The following FRRS1 variants were observed in gnomAD, a reference collection of about 807,000 sequenced individuals.
FRRS1 encodes ferric reductase 1.
A neutral mutation model predicts 70.7 loss-of-function variants in FRRS1; 51 were observed. The observed-to-expected ratio is 0.72, with a 90% CI of 0.58 to 0.91. FRRS1 has a LOEUF of 0.91. Ranked by LOEUF, FRRS1 falls within the 40% of genes least tolerant of loss-of-function variation. FRRS1 has a pLI of 0.00. For missense variants in FRRS1, 672 were observed against 726.0 expected, an observed-to-expected ratio of 0.93 and a Z score of 0.86; for synonymous variants, 225 against 238.7, an observed-to-expected ratio of 0.94 and a Z score of 0.53.
At chr1:99,709,466 T>C (rs1196455483) in intron 15 of FRRS1, among the ~76,000 whole-genome samples, 1 of 152,286 alleles carries the variant, frequency 6.6e-6, no homozygotes, top group East Asian at 1.9e-4. Flanking sequence ...GTTAAATAAC[T>C]TAAAATATGC....
At chr1:99,746,107 G>A (rs1443695652) in intron 4 of FRRS1, among the ~76,000 whole-genome samples, 3 of 152,120 alleles carry the variant, frequency 2.0e-5, no homozygotes, top group Non-Finnish European at 2.9e-5. Context: ...AGCAACACAG[G>A]AACAGCCTAA....
At chr1:99,717,574 C>G (rs1347757099) in intron 10 of FRRS1, 49 bp from the exon 11 acceptor site, 1 of 1,311,004 alleles carries the variant, frequency 7.6e-7, no homozygotes, top group South Asian at 1.2e-5. Flanking sequence ...CGAATCAAGC[C>G]ATCGCTTAAA....
chr1:99,715,203 G>T (rs975075968), intron 12 of FRRS1, among the ~76,000 whole-genome samples: 3 of 152,030 alleles, frequency 2.0e-5, no homozygotes, highest in African/African-American at 4.8e-5. Context: ...GCACCGCTGG[G>T]TACTGAGTAG....
At chr1:99,756,120 G>T (rs1045866921) in intron 1 of FRRS1, among the ~76,000 whole-genome samples, 1 of 152,066 alleles carries the variant, frequency 6.6e-6, no homozygotes, top group Admixed American at 6.5e-5. Flanking sequence ...TCAACAATAA[G>T]CTATTACATT....
At position 99,708,825 on chromosome 1, in the gene FRRS1, G is replaced by A; in HGVS notation, c.*203C>T. ...CTTTAAGACCCAGAATTACATATAG[G>A]GCATGACATTAATTTATAGTCTATA... is the stretch of plus-strand genomic sequence containing the variant. On this transcript the variant is annotated 3_prime_UTR_variant, in exon 17 of 17. Transcript: ENST00000646001. The A allele has an allele frequency of 1.0e-6, 1 of 986,188 alleles. No homozygotes were observed. The highest frequency in any genetic ancestry group is 1.6e-6 in the Non-Finnish European group (1 of 632,910). The allele number at this position is 986,188 out of a possible 1,614,324, so 61.1% of individuals were successfully genotyped here. A position where few individuals can be genotyped will look rare whatever the true frequency, so the allele number is the denominator to read the frequency against.
At chr1:99,745,667 G>T (rs939617770) in intron 4 of FRRS1, among the ~76,000 whole-genome samples, 12 of 152,060 alleles carry the variant, frequency 7.9e-5, no homozygotes, top group Non-Finnish European at 1.2e-4. Flanking sequence ...CTGGATGACA[G>T]AGCGAGACTC....
chr1:99,748,320 C>G (rs1656391643), intron 3 of FRRS1: 3 of 322,784 alleles, frequency 9.3e-6, no homozygotes, highest in Non-Finnish European at 1.7e-5. Context: ...TTTTTCTCTT[C>G]TCTTGAAGTG....
At chr1:99,719,312 G>A (rs961436514) in intron 10 of FRRS1, among the ~76,000 whole-genome samples, 7 of 151,412 alleles carry the variant, frequency 4.6e-5, no homozygotes, top group Middle Eastern at 3.2e-3. Context: ...GGGAGTCTGA[G>A]GCAGGAGAAT....
intron 4 of FRRS1, among the ~76,000 whole-genome samples, chr1:99,744,886 C>T (rs1656167569): frequency 7.0e-6 from 1 of 142,032 alleles, no homozygotes; most frequent in Admixed American, 7.5e-5. Flanking sequence ...AGGAGAATGG[C>T]GTGAACCCGG....
At chr1:99,717,753 A>G (rs961307809) in intron 10 of FRRS1, among the ~76,000 whole-genome samples, 4 of 152,244 alleles carry the variant, frequency 2.6e-5, no homozygotes, top group Admixed American at 2.6e-4. Flanking sequence ...AATGCTTTAC[A>G]TATACTAATT....
chr1:99,748,905 A>C lies in FRRS1; in HGVS notation c.-9T>G. Reference sequence around the variant, plus strand: ...CCATATTCTCAACATACCTGATAAAAAGAATGTGATATGTGAAGTTTCACC... The same window carrying C: ...CCATATTCTCAACATACCTGATAAACAGAATGTGATATGTGAAGTTTCACC... On this transcript the variant is annotated 5_prime_UTR_variant, in exon 2 of 17. Coordinates refer to ENST00000646001, the MANE Select transcript of FRRS1 (RefSeq NM_001361041.2). The C allele has an allele frequency of 1.7e-6, 1 of 590,874 alleles. No individual in the cohort carries two copies. Among genetic ancestry groups the C allele is most frequent in the Non-Finnish European group, 2.9e-6 (1 of 344,076 alleles). The allele number at this position is 590,874 out of a possible 1,614,324, so 36.6% of individuals were successfully genotyped here.
chr1:99,717,064 C>T (rs1040076504), intron 11 of FRRS1, among the ~76,000 whole-genome samples: 2 of 152,146 alleles, frequency 1.3e-5, no homozygotes, highest in Non-Finnish European at 1.5e-5. Flanking sequence ...CCTGACTTTA[C>T]TCAGTACAGT....
chr1:99,742,256 G>A lies in FRRS1; in HGVS notation c.351C>T (p.His117=), dbSNP rs1319651011. ...TTTCTGTTTTTTTAGATGCACTTCT[G>A]TGACTCACTGCTGATCCCTGAAATA... The part of the protein sequence containing the change: ...CEDIQGSAVS[H]RSASKKTEIK... The change falls in exon 5 of 17, where the codon CAC becomes CAT. Residue 117 remains histidine (H), a synonymous_variant. Coordinates refer to ENST00000646001, the MANE Select transcript of FRRS1 (RefSeq NM_001361041.2). 2.5e-6 allele frequency: 4 copies of A among 1,605,970 alleles called. No individual in the cohort carries two copies. Among genetic ancestry groups the A allele is most frequent in the Non-Finnish European group, 3.4e-6 (4 of 1,172,792 alleles).
In FRRS1 at chr1:99,712,485, T is replaced by A. The variant is rs752801320; in HGVS notation, c.1354A>T (p.Ile452Leu). The change falls in exon 13 of 17, where the codon ATA becomes TTA. Residue 452 changes from isoleucine (I) to leucine (L), a missense_variant. By Grantham distance (5) the Ile-to-Leu change is conservative (BLOSUM62 2). Transcript: ENST00000646001. ...HAGYHPYLGC[I>L]VMTLAVLQPL... ...TGAAGAACTGCCAAAGTCATCACTA[T>A]ACAGCCGAGGTATGGGTGGTAACCT... is the stretch of plus-strand genomic sequence containing the variant. The A allele has an allele frequency of 6.2e-7, 1 of 1,612,524 alleles. No individual in the cohort carries two copies. The highest frequency in any genetic ancestry group is 1.1e-5 in the South Asian group (1 of 90,682).
chr1:99,711,964 T>C, intron 14 of FRRS1, 141 bp downstream of exon 14: 1 of 610,206 alleles, frequency 1.6e-6, no homozygotes. Flanking sequence ...CTTTCTGGAT[T>C]TCAACGTTTA....
chr1:99,764,065 A>G (rs1174095627), intron 1 of FRRS1, among the ~76,000 whole-genome samples: 1 of 152,188 alleles, frequency 6.6e-6, no homozygotes, highest in Non-Finnish European at 1.5e-5. Context: ...TAACAAATAC[A>G]TCAGCTAATA....
At position 99,709,276 on chromosome 1, in the gene FRRS1, CAT is replaced by C. The variant is rs753548702; in HGVS notation, c.1625-19_1625-18del. On this transcript the variant is annotated intron_variant, in intron 15 of 16. Coordinates refer to ENST00000646001, the MANE Select transcript of FRRS1 (RefSeq NM_001361041.2). The stretch of plus-strand genomic sequence containing the variant: ...ATATTTCAACTGTCAAGAATAATAA[CAT>C]AAGTTTTTAAGGGCAGCGTTATGCA... 7 of 1,583,354 alleles carry C rather than the reference CAT, an allele frequency of 4.4e-6. No individual in the cohort carries two copies. In the East Asian group the frequency reaches 6.7e-5, roughly 15 times the overall value.
At chr1:99,715,264 A>G (rs1281602464) in intron 12 of FRRS1, among the ~76,000 whole-genome samples, 1 of 152,146 alleles carries the variant, frequency 6.6e-6, no homozygotes, top group Non-Finnish European at 1.5e-5. Context: ...GTTAGAGAAA[A>G]CCACTCACAT....
intron 4 of FRRS1, 21 bp from the exon 5 acceptor site, chr1:99,742,294 G>A (rs1257803445): frequency 2.0e-6 from 3 of 1,463,696 alleles, no homozygotes; most frequent in Non-Finnish European, 2.9e-6. Context: ...AGGGAAAAGA[G>A]CTACCATTCA....
Sources: allele counts gnomAD v4.1 joint callset (sites outside exome capture counted in the v4.1 genomes callset), GRCh38; gene constraint gnomAD v4.1.1; transcripts MANE v1.5; gene names NCBI Gene and HGNC (gene_info 2026-07-23, HGNC 2026-07-21).